Variants in DENND1A observed in about 807,000 individuals in gnomAD.
DENND1A encodes DENN domain-containing protein 1A.
In DENND1A, 51 loss-of-function variants were observed where a neutral mutation model predicts 113.7. The ratio of observed to expected loss-of-function variants is 0.45; its 90% confidence interval spans 0.36 to 0.57. The LOEUF (loss-of-function observed/expected upper bound fraction) is 0.57. Among genes scored for constraint, DENND1A ranks in the 20% least tolerant of loss-of-function variants. DENND1A has a pLI of 0.00. For missense variants in DENND1A, 1,258 were observed against 1,395.9 expected, an observed-to-expected ratio of 0.90 and a Z score of 1.57; for synonymous variants, 565 against 570.8, an observed-to-expected ratio of 0.99 and a Z score of 0.14.
chr9:123,638,943 C>A (rs1338571263), intron 9 of DENND1A, among the ~76,000 whole-genome samples: 1 of 142,766 alleles, frequency 7.0e-6, no homozygotes, highest in Non-Finnish European at 1.5e-5. Flanking sequence ...GAAAGCATAA[C>A]TGAACATGGA....
At chr9:123,564,355 C>T (rs2057932876) in intron 12 of DENND1A, among the ~76,000 whole-genome samples, 1 of 152,230 alleles carries the variant, frequency 6.6e-6, no homozygotes. Context: ...AATGCTGGCA[C>T]CTTAAGATTT....
chr9:123,745,410 G>C (rs1003370743), intron 5 of DENND1A, among the ~76,000 whole-genome samples: 1 of 152,204 alleles, frequency 6.6e-6, no homozygotes, highest in African/African-American at 2.4e-5. Context: ...GTATGCTGGC[G>C]AGTCTTCTTT....
intron 10 of DENND1A, among the ~76,000 whole-genome samples, chr9:123,619,699 G>C (rs542974693): frequency 6.6e-6 from 1 of 152,292 alleles, no homozygotes; most frequent in Admixed American, 6.5e-5. Flanking sequence ...TTACAGGTGT[G>C]AGCCACTGCA....
At chr9:123,583,614 T>G (rs4836935) in intron 11 of DENND1A, among the ~76,000 whole-genome samples, 65,897 of 151,924 alleles carry the variant, frequency 0.43, 14,913 homozygotes, top group African/African-American at 0.56. Context: ...AAAAGCTCTG[T>G]CCCCAGGAAT....
chr9:123,679,465 C>CA (rs1299841537), intron 5 of DENND1A, among the ~76,000 whole-genome samples: 2 of 152,230 alleles, frequency 1.3e-5, no homozygotes, highest in East Asian at 3.9e-4. Context: ...CCACTGGCCA[C>CA]AAGAAGTTTT....
intron 11 of DENND1A, among the ~76,000 whole-genome samples, chr9:123,607,167 C>A (rs1473110807): frequency 6.6e-6 from 1 of 152,064 alleles, no homozygotes; most frequent in Non-Finnish European, 1.5e-5. Context: ...ATGCACTGAA[C>A]TTTATATTCA....
chr9:123,744,790 T>C, intron 5 of DENND1A, among the ~76,000 whole-genome samples: 1 of 148,776 alleles, frequency 6.7e-6, no homozygotes, highest in South Asian at 2.1e-4. Context: ...TTTTTTTTTT[T>C]TTGACACAGA....
intron 13 of DENND1A, among the ~76,000 whole-genome samples, chr9:123,552,426 G>C (rs931718279): frequency 2.6e-5 from 4 of 152,240 alleles, no homozygotes; most frequent in Non-Finnish European, 5.9e-5. Flanking sequence ...CAGGGTCCAG[G>C]GAGGCAGAAG....
At chr9:123,463,273 T>C (rs2048679777) in intron 13 of DENND1A, among the ~76,000 whole-genome samples, 1 of 152,146 alleles carries the variant, frequency 6.6e-6, no homozygotes, top group Non-Finnish European at 1.5e-5. Flanking sequence ...AAAAGACAAG[T>C]TTTACTCCTG....
At chr9:123,494,101 C>T (rs759529908) in intron 13 of DENND1A, among the ~76,000 whole-genome samples, 2 of 152,188 alleles carry the variant, frequency 1.3e-5, no homozygotes, top group African/African-American at 2.4e-5. Flanking sequence ...GTGGGCAGGG[C>T]TCAGGGTCTC....
At chr9:123,418,407 A>G (rs2044929655) in intron 19 of DENND1A, among the ~76,000 whole-genome samples, 1 of 152,212 alleles carries the variant, frequency 6.6e-6, no homozygotes, top group African/African-American at 2.4e-5. Context: ...ACCGGCATTT[A>G]TGAGGACAGC....
chr9:123,650,798 T>C (rs949293785), intron 9 of DENND1A, among the ~76,000 whole-genome samples: 2 of 150,962 alleles, frequency 1.3e-5, no homozygotes, highest in Admixed American at 1.3e-4. Context: ...CCCCAACTAC[T>C]TGGGTGACTG....
Position 123,381,329 on chromosome 9 carries a change from A to T in DENND1A, c.*103T>A. 8.4e-7 allele frequency: 1 copy of T among 1,196,716 alleles called. No homozygotes were observed. The highest frequency in any genetic ancestry group is 1.2e-6 in the Non-Finnish European group (1 of 841,790). The allele number at this position is 1,196,716 out of a possible 1,614,324, so 74.1% of individuals were successfully genotyped here. On this transcript the variant is annotated 3_prime_UTR_variant, in exon 24 of 24. Transcript: ENST00000394215. The surrounding 1 kb of genome is among the most constrained non-coding windows in gnomAD (Gnocchi z 4.7). ...GCAGAGAGGGGTCCCATCCCTTCCC[A>T]CCAGCAGAACCTGGGCAGAGAGAGA... is the stretch of plus-strand genomic sequence containing the variant.
rs1483518776 is a variant in DENND1A, at chr9:123,903,281, G to A, written c.18-24260C>T. Among the ~76,000 whole-genome samples, 22 of 127,072 alleles carry A rather than the reference G, an allele frequency of 1.7e-4. 1 individual carries two copies. Among genetic ancestry groups the A allele is most frequent in the South Asian group, 1.5e-3 (6 of 3,884 alleles). 83.4% of individuals were successfully genotyped at this position (127,072 alleles called of 152,430 possible). A position where few individuals can be genotyped will look rare whatever the true frequency, so the allele number is the denominator to read the frequency against. ...CGGGAGGCGGAGCTTGCAGTGAGCC[G>A]AGATCCCGCCACTGCACTCCAGCCT... On this transcript the variant is annotated intron_variant, in intron 1 of 23. Transcript: ENST00000394215.
At chr9:123,804,037 C>A (rs143208474) in intron 2 of DENND1A, among the ~76,000 whole-genome samples, 149 of 152,346 alleles carry the variant, frequency 9.8e-4, no homozygotes, top group African/African-American at 3.0e-3. Flanking sequence ...TGTCCCCAAC[C>A]AAATCTCATC....
At chr9:123,655,814 TC>T (rs2062915354) in intron 8 of DENND1A, among the ~76,000 whole-genome samples, 1 of 152,196 alleles carries the variant, frequency 6.6e-6, no homozygotes, top group Admixed American at 6.5e-5. Flanking sequence ...TAAGCCACTC[TC>T]CCAGCACTTT....
At chr9:123,751,224 C>G (rs540302021) in intron 5 of DENND1A, 12 of 152,220 alleles carry the variant, frequency 7.9e-5, no homozygotes, top group African/African-American at 2.4e-4. Context: ...TTCTGTGTTT[C>G]GAGTGAAAAT....
At chr9:123,627,757 AAGAG>A (rs956543454) in intron 10 of DENND1A, among the ~76,000 whole-genome samples, 7 of 144,362 alleles carry the variant, frequency 4.8e-5, no homozygotes, top group Non-Finnish European at 1.0e-4. Flanking sequence ...AAAAAAAAAA[AAGAG>A]AGAGAGAGCG....
chr9:123,511,252 G>T (rs1227692260), intron 13 of DENND1A, among the ~76,000 whole-genome samples: 1 of 152,204 alleles, frequency 6.6e-6, no homozygotes, highest in Non-Finnish European at 1.5e-5. Context: ...TTGGGCTCCA[G>T]TCCTGGCTCT....
Sources: gnomAD v4.1 joint callset for allele counts (sites outside exome capture counted in the v4.1 genomes callset) on GRCh38, gnomAD v4.1.1 for gene constraint, Gnocchi (gnomAD v3.1) non-coding constraint, MANE v1.5 for transcripts, NCBI Gene and HGNC (gene_info 2026-07-23, HGNC 2026-07-21) for gene names.